Variants in PFKFB3 observed in about 807,000 individuals in gnomAD.
PFKFB3 encodes 6-phosphofructo-2-kinase/fructose-2,6-bisphosphatase 3.
In PFKFB3, 33 loss-of-function variants were observed where a neutral mutation model predicts 68.0. The observed-to-expected ratio is 0.49, with a 90% confidence interval of 0.37 to 0.65. The LOEUF is 0.65. Among genes scored for constraint, PFKFB3 ranks in the 30% least tolerant of loss-of-function variants. The probability of loss-of-function intolerance (pLI) is 0.00; values close to 1 mark genes in which losing one functional copy is unlikely to be tolerated. For missense variants in PFKFB3, 586 were observed against 712.2 expected, an observed-to-expected ratio of 0.82 and a Z score of 2.02; for synonymous variants, 315 against 288.2, an observed-to-expected ratio of 1.09 and a Z score of -0.94.
chr10:6,229,044 C>G lies in PFKFB3; in HGVS notation c.1515+2679C>G. ...CATGAAGTGTCATCCCCTTGCCCCC[C>G]CAAAAACACACCCGCCCCTTTATTT... On this transcript the variant is annotated intron_variant, in intron 14 of 14. Coordinates refer to ENST00000379775, the MANE Select transcript of PFKFB3 (RefSeq NM_004566.4). The surrounding 1 kb of genome is among the most constrained non-coding windows in gnomAD (Gnocchi z 4.3). The G allele has an allele frequency of 4.1e-6, 2 of 490,386 alleles. No homozygotes were observed. The highest frequency in any genetic ancestry group is 1.5e-5 in the South Asian group (1 of 65,920). 30.4% of individuals were successfully genotyped at this position (490,386 alleles called of 1,614,324 possible).
chr10:6,244,194 G>T (rs892204070), intron 14 of PFKFB3, among the ~76,000 whole-genome samples: 2 of 152,202 alleles, frequency 1.3e-5, no homozygotes, highest in Non-Finnish European at 2.9e-5. Flanking sequence ...ATTGAGGGGA[G>T]AGCGTGGCCT....
chr10:6,297,275 A>G, the PFKFB3 span, among the ~76,000 whole-genome samples: 1 of 152,340 alleles, frequency 6.6e-6, no homozygotes, highest in East Asian at 1.9e-4. Context: ...AGTGGCTTTC[A>G]TCGGAGAAGC....
chr10:6,249,232 T>G (rs906511048), intron 14 of PFKFB3, among the ~76,000 whole-genome samples: 2 of 151,092 alleles, frequency 1.3e-5, no homozygotes, highest in East Asian at 3.9e-4. Context: ...TTGTACACTG[T>G]TGGTGGGAAT....
chr10:6,224,264 A>ATC, intron 13 of PFKFB3, 51 bp downstream of exon 13: 1 of 1,579,074 alleles, frequency 6.3e-7, no homozygotes, highest in Non-Finnish European at 8.7e-7. Context: ...CGATAGCCCT[A>ATC]GTGGGTGATG....
the PFKFB3 span, among the ~76,000 whole-genome samples, chr10:6,287,191 A>G: frequency 1.3e-5 from 2 of 152,226 alleles, no homozygotes; most frequent in Non-Finnish European, 2.9e-5. Flanking sequence ...GGTTCAAGCA[A>G]TTATCTTGCC....
chr10:6,228,381 C>T lies in PFKFB3; in HGVS notation c.1515+2016C>T, dbSNP rs1845497816. 1.3e-6 allele frequency: 1 copy of T among 778,800 alleles called. No individual in the cohort carries two copies. The highest frequency in any genetic ancestry group is 2.4e-4 in the Middle Eastern group (1 of 4,118). The allele number at this position is 778,800 out of a possible 1,614,324, so 48.2% of individuals were successfully genotyped here. A position where few individuals can be genotyped will look rare whatever the true frequency, so the allele number is the denominator to read the frequency against. ...GCGTAGGAGTAGGGAGGAGAGATTC[C>T]TGAATGTTTTTGGAAAAGCGTGCAG... On this transcript the variant is annotated intron_variant, in intron 14 of 14. Coordinates refer to ENST00000379775, the MANE Select transcript of PFKFB3 (RefSeq NM_004566.4). This position sits in a 1 kb window ranked among gnomAD's most constrained non-coding sequence, Gnocchi z 4.5.
At chr10:6,179,727 G>A (rs1842652179) in intron 1 of PFKFB3, among the ~76,000 whole-genome samples, 1 of 152,188 alleles carries the variant, frequency 6.6e-6, no homozygotes, top group Non-Finnish European at 1.5e-5. Context: ...CAGCTCAGAT[G>A]GGAAGGGGAC....
the PFKFB3 span, among the ~76,000 whole-genome samples, chr10:6,295,820 G>T: frequency 3.9e-5 from 6 of 152,148 alleles, no homozygotes; most frequent in African/African-American, 1.4e-4. Context: ...GGAAGTTAGA[G>T]GGTACTTTTC....
chr10:6,155,030 A>C (rs996723331), intron 1 of PFKFB3, among the ~76,000 whole-genome samples: 6 of 152,138 alleles, frequency 3.9e-5, no homozygotes, highest in Non-Finnish European at 7.4e-5. Context: ...AGAAAAGTCC[A>C]CTGTGCCCCA....
intron 1 of PFKFB3, among the ~76,000 whole-genome samples, chr10:6,207,188 C>T (rs1843836463): frequency 6.6e-6 from 1 of 152,252 alleles, no homozygotes; most frequent in Admixed American, 6.5e-5. Context: ...GCAATCCCGG[C>T]ACCTCGGGAG....
chr10:6,302,749 TACACACACAC>T, the PFKFB3 span, among the ~76,000 whole-genome samples: 1 of 145,834 alleles, frequency 6.9e-6, no homozygotes, highest in African/African-American at 2.5e-5. Flanking sequence ...TGTGTGTGTA[TACACACACAC>T]ACACACACAC....
the PFKFB3 span, among the ~76,000 whole-genome samples, chr10:6,307,527 TTCCTTCC>T: frequency 1.4e-5 from 2 of 142,632 alleles, no homozygotes; most frequent in African/African-American, 5.2e-5. Context: ...CCTTCCTTCC[TTCCTTCC>T]TTCCTTCCTT....
At chr10:6,262,230 G>A in the PFKFB3 span, among the ~76,000 whole-genome samples, 1,829 of 151,658 alleles carry the variant, frequency 0.012, 32 homozygotes, top group African/African-American at 0.042. Context: ...TGAGGCGGGC[G>A]GATCACGAGG....
chr10:6,175,758 A>C (rs542426638), intron 1 of PFKFB3, among the ~76,000 whole-genome samples: 4 of 152,234 alleles, frequency 2.6e-5, no homozygotes, highest in African/African-American at 9.6e-5. Context: ...CATAGAAAGC[A>C]CTTCAACCTC....
the PFKFB3 span, among the ~76,000 whole-genome samples, chr10:6,325,697 C>T: frequency 6.6e-6 from 1 of 152,128 alleles, no homozygotes; most frequent in Non-Finnish European, 1.5e-5. Context: ...CGTTAATGCT[C>T]AATTTAAAAT....
At chr10:6,280,629 C>A in the PFKFB3 span, among the ~76,000 whole-genome samples, 1 of 152,184 alleles carries the variant, frequency 6.6e-6, no homozygotes, top group Non-Finnish European at 1.5e-5. Context: ...AGGAGCCCTG[C>A]TGTCTTCTCC....
chr10:6,152,756 C>T (rs149181817), intron 1 of PFKFB3, among the ~76,000 whole-genome samples: 8 of 152,264 alleles, frequency 5.3e-5, no homozygotes, highest in African/African-American at 1.9e-4. Context: ...AGGCATGTGC[C>T]TGTAGTGCCA....
chr10:6,244,051 G>A (rs963680391), intron 14 of PFKFB3, among the ~76,000 whole-genome samples: 7 of 152,220 alleles, frequency 4.6e-5, no homozygotes, highest in Middle Eastern at 3.4e-3. Context: ...GTAGAAATGG[G>A]GCCTCACTAT....
chr10:6,186,653 C>T (rs6602502), intron 1 of PFKFB3, among the ~76,000 whole-genome samples: 24,901 of 152,090 alleles, frequency 0.16, 2,264 homozygotes, highest in Non-Finnish European at 0.21. Flanking sequence ...TATCTTTTCT[C>T]GCTCTTAAAC....
Sources: allele counts gnomAD v4.1 joint callset (sites outside exome capture counted in the v4.1 genomes callset), GRCh38; gene constraint gnomAD v4.1.1; non-coding constraint Gnocchi (gnomAD v3.1); transcripts MANE v1.5; gene names NCBI Gene and HGNC (gene_info 2026-07-23, HGNC 2026-07-21).